EPHX4: variants seen among roughly 807,000 people sequenced by gnomAD.
EPHX4 encodes abhydrolase domain containing 7.
In EPHX4, 31 loss-of-function variants were observed where a neutral mutation model predicts 44.9. The observed-to-expected ratio is 0.69, with a 90% CI of 0.52 to 0.93. The LOEUF is 0.93. EPHX4 is among the 40% of genes least tolerant of loss of function. The pLI, the probability that EPHX4 is intolerant of heterozygous loss-of-function variation, is 0.00. For missense variants in EPHX4, 373 were observed against 438.1 expected, an observed-to-expected ratio of 0.85 and a Z score of 1.33; for synonymous variants, 151 against 159.7, an observed-to-expected ratio of 0.95 and a Z score of 0.41.
rs371472884 is a variant in EPHX4, at chr1:92,037,466, A to C, written c.317+4876A>C. 8.9e-4 allele frequency among the ~76,000 whole-genome samples: 136 copies of C among 152,326 alleles called. No individual in the cohort carries two copies. The South Asian group carries it at 0.026, about 29-fold the overall frequency. On this transcript the variant is annotated intron_variant, in intron 2 of 6. Coordinates refer to ENST00000370383, the MANE Select transcript of EPHX4 (RefSeq NM_173567.5). ...TTAACCCCAAGTAAGGCTGTTTGTCAAAGGATGATCTTTCTCCCACTCTCT... is the reference window on the plus strand; with the variant it reads ...TTAACCCCAAGTAAGGCTGTTTGTCCAAGGATGATCTTTCTCCCACTCTCT...
At chr1:92,039,768 C>T (rs1397060090) in intron 2 of EPHX4, among the ~76,000 whole-genome samples, 1 of 152,090 alleles carries the variant, frequency 6.6e-6, no homozygotes, top group Non-Finnish European at 1.5e-5. Flanking sequence ...ATTCTCCTGC[C>T]TCAGCCTCCC....
intron 1 of EPHX4, 40 bp downstream of exon 1, chr1:92,030,350 G>T: frequency 6.9e-7 from 1 of 1,450,018 alleles, no homozygotes; most frequent in Non-Finnish European, 9.1e-7. Flanking sequence ...GGGAGGGAGC[G>T]TGACCGCCGC....
Position 92,030,203 on chromosome 1 carries a change from A to C in EPHX4, c.124A>C (p.Ser42Arg). Residue 42 changes from serine (S) to arginine (R), a missense_variant, in exon 1 of 7, where the codon AGC (serine) becomes CGC (arginine). Coordinates refer to ENST00000370383, the MANE Select transcript of EPHX4 (RefSeq NM_173567.5). Reference protein sequence around the residue: ...ASIHLLKLLWSLGKGPAQTFR... With the variant: ...ASIHLLKLLWRLGKGPAQTFR... ...CATCCACCTGCTCAAACTTTTGTGG[A>C]GCCTCGGCAAGGGGCCGGCGCAGAC... 1 of 1,608,234 alleles carries C rather than the reference A, an allele frequency of 6.2e-7. No individual in the cohort carries two copies.
intron 3 of EPHX4, among the ~76,000 whole-genome samples, chr1:92,045,025 T>C (rs998809356): frequency 2.6e-5 from 4 of 152,150 alleles, no homozygotes; most frequent in African/African-American, 4.8e-5. Flanking sequence ...TGCAGTGGCA[T>C]GATCATGGCT....
rs889754841 is a variant in EPHX4, at chr1:92,043,994, G to T, written c.475+1014G>T. On this transcript the variant is annotated intron_variant, in intron 3 of 6. Coordinates refer to ENST00000370383, the MANE Select transcript of EPHX4 (RefSeq NM_173567.5). ...CATGGCCAAGTCTAAAATCAAAGGG[G>T]CAGCAAGTAGACTACTGTGACAGCA... Among the ~76,000 whole-genome samples, 4 of 152,164 alleles carry T rather than the reference G, an allele frequency of 2.6e-5. No individual in the cohort carries two copies. In the East Asian group the frequency reaches 5.8e-4, roughly 22 times the overall value.
chr1:92,044,153 G>A (rs1476002957), intron 3 of EPHX4, among the ~76,000 whole-genome samples: 1 of 152,108 alleles, frequency 6.6e-6, no homozygotes, highest in East Asian at 1.9e-4. Flanking sequence ...TGAAATCAAA[G>A]GCACTTTCTA....
At chr1:92,057,622 C>T (rs369293913) in intron 6 of EPHX4, among the ~76,000 whole-genome samples, 3 of 150,150 alleles carry the variant, frequency 2.0e-5, no homozygotes, top group African/African-American at 4.9e-5. Context: ...TTTTTTGAGA[C>T]GGAGTCTTGC....
chr1:92,045,540 A>G lies in EPHX4; in HGVS notation c.484A>G (p.Lys162Glu). 4 of 1,613,990 alleles carry G rather than the reference A, an allele frequency of 2.5e-6. No individual in the cohort carries two copies. Among genetic ancestry groups the G allele is most frequent in the South Asian group, 2.2e-5 (2 of 91,026 alleles). ...KDILDSLGYS[K>E]CVLIGHDWGG... Reference sequence around the variant, plus strand: ...TTATTTCTTGTTTACAGGGTATAGCAAATGTGTTCTTATTGGCCATGACTG... The same window carrying G: ...TTATTTCTTGTTTACAGGGTATAGCGAATGTGTTCTTATTGGCCATGACTG... The change falls in exon 4 of 7, where the codon AAA becomes GAA. Residue 162 changes from lysine to glutamate, a missense_variant. By Grantham distance (56) the Lys-to-Glu change is moderately conservative. Coordinates refer to ENST00000370383, the MANE Select transcript of EPHX4 (RefSeq NM_173567.5).
chr1:92,041,918 A>G (rs1223738173), intron 2 of EPHX4, among the ~76,000 whole-genome samples: 2 of 152,130 alleles, frequency 1.3e-5, no homozygotes, highest in South Asian at 2.1e-4. Flanking sequence ...GTGTGGTGGC[A>G]CATGCCTGTA....
At chr1:92,048,859 A>C (rs1688619477) in intron 4 of EPHX4, among the ~76,000 whole-genome samples, 1 of 151,934 alleles carries the variant, frequency 6.6e-6, no homozygotes. Context: ...AGCTGGGACT[A>C]CAGGCTTACA....
At chr1:92,048,713 A>AT (rs1194435958) in intron 4 of EPHX4, among the ~76,000 whole-genome samples, 4 of 152,034 alleles carry the variant, frequency 2.6e-5, no homozygotes, top group East Asian at 3.9e-4. Flanking sequence ...TTTTTTTCCC[A>AT]TTTTTTTAGA....
chr1:92,051,135 A>G (rs1647240527), intron 5 of EPHX4, among the ~76,000 whole-genome samples: 1 of 152,136 alleles, frequency 6.6e-6, no homozygotes, highest in Admixed American at 6.6e-5. Flanking sequence ...TCCCGACATA[A>G]ATGCTTCTTA....
Position 92,030,103 on chromosome 1 carries a change from G to A in EPHX4, c.24G>A (p.Leu8=). 6.2e-7 allele frequency: 1 copy of A among 1,606,550 alleles called. No homozygotes were observed. The highest frequency in any genetic ancestry group is 1.1e-5 in the South Asian group (1 of 90,168). ...CAATGGCGAGGCTGCGGGATTGCCT[G>A]CCCCGCCTGATGCTCACGCTCCGGT... MARLRDC[L]PRLMLTLRSL... Residue 8 remains leucine, a synonymous_variant, in exon 1 of 7, where the codon CTG becomes CTA. Coordinates refer to ENST00000370383, the MANE Select transcript of EPHX4 (RefSeq NM_173567.5).
intron 2 of EPHX4, among the ~76,000 whole-genome samples, chr1:92,034,451 G>GT (rs1297582439): frequency 6.6e-6 from 1 of 152,000 alleles, no homozygotes; most frequent in Non-Finnish European, 1.5e-5. Context: ...TGACTCAAAG[G>GT]TGGAATATCT....
intron 6 of EPHX4, among the ~76,000 whole-genome samples, chr1:92,057,987 TG>T (rs1423401068): frequency 6.6e-6 from 1 of 152,180 alleles, no homozygotes; most frequent in Non-Finnish European, 1.5e-5. Flanking sequence ...GCTCATCTTG[TG>T]AGGCTAATGT....
chr1:92,062,053 A>T (rs1336098966), intron 6 of EPHX4, among the ~76,000 whole-genome samples: 5 of 152,064 alleles, frequency 3.3e-5, no homozygotes, highest in Non-Finnish European at 5.9e-5. Flanking sequence ...AATTAATTTT[A>T]AAAACATATA....
chr1:92,044,147 A>G (rs541274529), intron 3 of EPHX4, among the ~76,000 whole-genome samples: 2 of 152,312 alleles, frequency 1.3e-5, no homozygotes, highest in African/African-American at 4.8e-5. Flanking sequence ...ATACCATGAA[A>G]TCAAAGGCAC....
chr1:92,045,722 C>A, intron 4 of EPHX4, 62 bp downstream of exon 4: 1 of 1,592,888 alleles, frequency 6.3e-7, no homozygotes, highest in South Asian at 1.1e-5. Flanking sequence ...TGCCACTGAC[C>A]TTTTGGATTA....
At chr1:92,043,130 A>T in intron 3 of EPHX4, 150 bp downstream of exon 3, 1 of 598,104 alleles carries the variant, frequency 1.7e-6, no homozygotes, top group Non-Finnish European at 2.8e-6. Context: ...TCAGCCCAAA[A>T]TATCTGTACA....
Sources: gnomAD v4.1 joint callset for allele counts (sites outside exome capture counted in the v4.1 genomes callset) on GRCh38, gnomAD v4.1.1 for gene constraint, MANE v1.5 for transcripts, NCBI Gene and HGNC (gene_info 2026-07-23, HGNC 2026-07-21) for gene names.